Variants in GBE1 observed in about 807,000 individuals in gnomAD.
GBE1 encodes 1,4-alpha-glucan-branching enzyme.
In GBE1, 70 loss-of-function variants were observed where a neutral mutation model predicts 88.8. That is an observed-to-expected ratio of 0.79 (90% CI 0.65 to 0.96). The LOEUF (loss-of-function observed/expected upper bound fraction) is 0.96. Ranked by LOEUF, GBE1 falls within the 40% of genes least tolerant of loss-of-function variation. GBE1 has a pLI of 0.00. For missense variants in GBE1, 872 were observed against 871.0 expected, an observed-to-expected ratio of 1.00 and a Z score of -0.01; for synonymous variants, 284 against 300.1, an observed-to-expected ratio of 0.95 and a Z score of 0.56.
At chr3:81,700,624 C>T (rs1041603163) in intron 2 of GBE1, among the ~76,000 whole-genome samples, 4 of 151,968 alleles carry the variant, frequency 2.6e-5, no homozygotes, top group Admixed American at 2.0e-4. Flanking sequence ...TGTTGAGTAG[C>T]ACGGTTTCAG....
intron 7 of GBE1, among the ~76,000 whole-genome samples, chr3:81,604,373 G>C (rs1704076654): frequency 6.9e-6 from 1 of 145,648 alleles, no homozygotes; most frequent in African/African-American, 2.6e-5. Context: ...CTACATCCTG[G>C]ACCTCCTGGG....
chr3:81,728,741 T>C (rs930459668), intron 1 of GBE1, among the ~76,000 whole-genome samples: 2 of 152,098 alleles, frequency 1.3e-5, no homozygotes, highest in African/African-American at 4.8e-5. Flanking sequence ...GAAAGATCAA[T>C]ACAATGAAAT....
intron 3 of GBE1, among the ~76,000 whole-genome samples, chr3:81,650,965 T>G (rs1704841586): frequency 6.6e-6 from 1 of 152,162 alleles, no homozygotes; most frequent in Admixed American, 6.5e-5. Context: ...CGTGAGCCAA[T>G]GCAGCAGGCT....
At chr3:81,655,502 G>T (rs1384319475) in intron 3 of GBE1, among the ~76,000 whole-genome samples, 1 of 147,910 alleles carries the variant, frequency 6.8e-6, no homozygotes, top group Non-Finnish European at 1.5e-5. Context: ...AAATAAATGT[G>T]TGTTTTTGTT....
At chr3:81,749,005 CAAAAAAAA>C (rs34051030) in intron 1 of GBE1, among the ~76,000 whole-genome samples, 1 of 108,090 alleles carries the variant, frequency 9.3e-6, no homozygotes, top group African/African-American at 3.5e-5. Flanking sequence ...GACTCTGTCT[CAAAAAAAA>C]AAAAAAAAGA....
chr3:81,501,575 C>T (rs1702586028), intron 14 of GBE1, among the ~76,000 whole-genome samples: 1 of 151,504 alleles, frequency 6.6e-6, no homozygotes, highest in Non-Finnish European at 1.5e-5. Context: ...TTATTTCCTC[C>T]TATGAACACT....
chr3:81,725,092 T>C (rs1314986682), intron 1 of GBE1, among the ~76,000 whole-genome samples: 2 of 152,210 alleles, frequency 1.3e-5, no homozygotes, highest in African/African-American at 2.4e-5. Flanking sequence ...GTAGACGTGT[T>C]GCTTCTGTAC....
chr3:81,670,636 G>A (rs1705176669), intron 3 of GBE1, among the ~76,000 whole-genome samples: 2 of 151,906 alleles, frequency 1.3e-5, no homozygotes. Context: ...ACTAAGTTTG[G>A]TTCCTTACCA....
intron 1 of GBE1, among the ~76,000 whole-genome samples, chr3:81,708,011 C>T (rs1455389984): frequency 6.6e-6 from 1 of 151,792 alleles, no homozygotes; most frequent in Non-Finnish European, 1.5e-5. Flanking sequence ...AAATAACTAC[C>T]ATTTTAAAAA....
At chr3:81,569,565 C>T (rs1028224410) in intron 12 of GBE1, among the ~76,000 whole-genome samples, 1 of 152,150 alleles carries the variant, frequency 6.6e-6, no homozygotes, top group African/African-American at 2.4e-5. Context: ...AACTGCTGGT[C>T]ACATGACCTC....
chr3:81,553,627 T>TA (rs1703306957), intron 12 of GBE1, among the ~76,000 whole-genome samples: 1 of 130,756 alleles, frequency 7.6e-6, no homozygotes, highest in Non-Finnish European at 1.6e-5. Flanking sequence ...TAGAGACAGA[T>TA]AAAAAAGTGT....
At chr3:81,665,738 TC>T (rs1031540188) in intron 3 of GBE1, among the ~76,000 whole-genome samples, 5 of 151,996 alleles carry the variant, frequency 3.3e-5, no homozygotes, top group African/African-American at 1.2e-4. Context: ...AAAAACCACA[TC>T]CCGCAAAACA....
At chr3:81,677,202 A>G (rs1166026029) in intron 2 of GBE1, among the ~76,000 whole-genome samples, 1 of 152,174 alleles carries the variant, frequency 6.6e-6, no homozygotes, top group Admixed American at 6.5e-5. Flanking sequence ...TCCATTTTTC[A>G]GGAAGATTCC....
intron 2 of GBE1, among the ~76,000 whole-genome samples, chr3:81,673,485 G>A (rs1156281359): frequency 6.6e-6 from 1 of 151,818 alleles, no homozygotes; most frequent in Non-Finnish European, 1.5e-5. Flanking sequence ...TTTATTAAAA[G>A]ATTTGGATAT....
intron 12 of GBE1, among the ~76,000 whole-genome samples, chr3:81,550,066 A>C (rs1245811638): frequency 6.6e-6 from 1 of 151,474 alleles, no homozygotes; most frequent in Non-Finnish European, 1.5e-5. Context: ...GGCACACTGG[A>C]ACTGGCTAGC....
At chr3:81,526,349 T>C (rs1433696430) in intron 14 of GBE1, among the ~76,000 whole-genome samples, 1 of 152,054 alleles carries the variant, frequency 6.6e-6, no homozygotes, top group African/African-American at 2.4e-5. Context: ...CTATTCAACA[T>C]AGTGTTGGAA....
At chr3:81,659,833 A>G (rs1704997504) in intron 3 of GBE1, among the ~76,000 whole-genome samples, 1 of 152,224 alleles carries the variant, frequency 6.6e-6, no homozygotes, top group Non-Finnish European at 1.5e-5. Flanking sequence ...ATAAACATTA[A>G]GACTATTACA....
At chr3:81,612,593 A>G in intron 7 of GBE1, 1 of 645,244 alleles carries the variant, frequency 1.5e-6, no homozygotes. Flanking sequence ...GATGTTGGCG[A>G]TCAGTTCTGA....
At chr3:81,750,665 ATATATATACG>A (rs1559708961) in intron 1 of GBE1, among the ~76,000 whole-genome samples, 3 of 79,076 alleles carry the variant, frequency 3.8e-5, no homozygotes, top group African/African-American at 2.3e-4. Context: ...ATATGTATAT[ATATATATACG>A]TATATATATA....
Sources: gnomAD v4.1 joint callset for allele counts (sites outside exome capture counted in the v4.1 genomes callset) on GRCh38, gnomAD v4.1.1 for gene constraint, MANE v1.5 for transcripts, NCBI Gene and HGNC (gene_info 2026-07-23, HGNC 2026-07-21) for gene names.